GPC6: variants seen among roughly 807,000 people sequenced by gnomAD.
GPC6 encodes the protein glypican-6.
In GPC6, 14 loss-of-function variants were observed where a neutral mutation model predicts 55.2. The ratio of observed to expected loss-of-function variants is 0.25; its 90% CI spans 0.17 to 0.40. GPC6 has a LOEUF of 0.40. Among genes scored for constraint, GPC6 ranks in the 10% least tolerant of loss-of-function variants. The pLI, the probability that GPC6 is intolerant of heterozygous loss-of-function variation, is 1.00. For missense variants in GPC6, 641 were observed against 708.5 expected (o/e 0.90, Z 1.08); for synonymous variants, 278 against 259.6 (o/e 1.07, Z -0.68).
chr13:94,404,736 A>G lies in GPC6; in HGVS notation c.*1519A>G, dbSNP rs2139236282. The G allele has an allele frequency of 6.6e-6, 1 of 152,316 alleles. No homozygotes were observed. Among genetic ancestry groups the G allele is most frequent in the South Asian group, 2.1e-4 (1 of 4,832 alleles). 9.4% of individuals were successfully genotyped at this position (152,316 alleles called of 1,614,324 possible). A position where few individuals can be genotyped will look rare whatever the true frequency, so the allele number is the denominator to read the frequency against. ...ATGAAAAACCATTGCTTTCATGTAA[A>G]ACACCTTCGGCCTAGGATTCCTGCC... On this transcript the variant is annotated 3_prime_UTR_variant, in exon 9 of 9. Coordinates refer to ENST00000377047, the MANE Select transcript of GPC6 (RefSeq NM_005708.5).
At position 93,348,107 on chromosome 13, in the gene GPC6, C is replaced by A. The variant is rs372511567; in HGVS notation, c.160+120491C>A. ...AATATACCATAGTTTGGAAAACACT[C>A]TCTTGTGAAGGATACAAAAAAGGAC... On this transcript the variant is annotated intron_variant, in intron 1 of 8. Transcript: ENST00000377047. 5.3e-5 allele frequency among the ~76,000 whole-genome samples: 8 copies of A among 152,286 alleles called. 1 individual carries two copies. The East Asian group carries it at 1.4e-3, about 26-fold the overall frequency.
At chr13:94,355,027 CTTTT>C (rs5805858) in intron 6 of GPC6, among the ~76,000 whole-genome samples, 1 of 145,738 alleles carries the variant, frequency 6.9e-6, no homozygotes, top group Admixed American at 6.8e-5. Flanking sequence ...AGTGGCTCTT[CTTTT>C]TTTTTTTTTG....
Position 93,912,001 on chromosome 13 carries a change from A to G in GPC6, c.711+81456A>G, listed in dbSNP as rs147964669. 6.2e-3 allele frequency among the ~76,000 whole-genome samples: 939 copies of G among 152,296 alleles called. 14 individuals carry two copies. Among genetic ancestry groups the G allele is most frequent in the African/African-American group, 0.021 (886 of 41,558 alleles). Reference sequence around the variant, plus strand: ...TGGGAGATACTGCAGGAAGAGAAGCATCATCCAGATGACAGAGACTAGAAC... The same window carrying G: ...TGGGAGATACTGCAGGAAGAGAAGCGTCATCCAGATGACAGAGACTAGAAC... On this transcript the variant is annotated intron_variant, in intron 3 of 8. Transcript: ENST00000377047.
At chr13:93,750,399 G>A (rs1187162989) in intron 2 of GPC6, among the ~76,000 whole-genome samples, 7 of 151,950 alleles carry the variant, frequency 4.6e-5, no homozygotes, top group Non-Finnish European at 1.0e-4. Flanking sequence ...AAATAATGGG[G>A]AATGGCATAT....
intron 2 of GPC6, among the ~76,000 whole-genome samples, chr13:93,636,165 A>C (rs1290610132): frequency 6.6e-6 from 1 of 152,218 alleles, no homozygotes; most frequent in Admixed American, 6.5e-5. Context: ...TAAATGCTGG[A>C]GTTTGTTTAT....
intron 2 of GPC6, among the ~76,000 whole-genome samples, chr13:93,623,529 G>A (rs1277505763): frequency 7.1e-6 from 1 of 141,620 alleles, no homozygotes; most frequent in African/African-American, 2.6e-5. Context: ...TGCATTCTCA[G>A]CTCACTGCAA....
At chr13:93,915,442 C>T (rs1877237937) in intron 3 of GPC6, among the ~76,000 whole-genome samples, 1 of 152,218 alleles carries the variant, frequency 6.6e-6, no homozygotes, top group Non-Finnish European at 1.5e-5. Context: ...GCCAGCCCCC[C>T]TGTGCCATTT....
chr13:93,340,313 C>G (rs923053921), intron 1 of GPC6, among the ~76,000 whole-genome samples: 8 of 152,032 alleles, frequency 5.3e-5, no homozygotes, highest in African/African-American at 1.9e-4. Flanking sequence ...GGATTATAGG[C>G]GTGAGCCACC....
At chr13:93,692,164 T>G (rs537328144) in intron 2 of GPC6, among the ~76,000 whole-genome samples, 1 of 152,218 alleles carries the variant, frequency 6.6e-6, no homozygotes, top group East Asian at 1.9e-4. Flanking sequence ...TGCTTCACTG[T>G]GTTGCCTTTT....
intron 2 of GPC6, among the ~76,000 whole-genome samples, chr13:93,689,317 A>G (rs1228053632): frequency 6.6e-6 from 1 of 152,106 alleles, no homozygotes; most frequent in Non-Finnish European, 1.5e-5. Context: ...TACTTCTCAG[A>G]TATGTTTTTT....
intron 2 of GPC6, among the ~76,000 whole-genome samples, chr13:93,816,432 G>C (rs1445236108): frequency 6.6e-6 from 1 of 151,698 alleles, no homozygotes; most frequent in African/African-American, 2.4e-5. Context: ...ACTATATTTA[G>C]AGTGAAGAGA....
chr13:93,225,779 A>G (rs561011059), upstream of GPC6, among the ~76,000 whole-genome samples: 1 of 152,352 alleles, frequency 6.6e-6, no homozygotes, highest in East Asian at 1.9e-4. Context: ...AAACATCTTC[A>G]TGTGTAGCTT....
chr13:93,846,511 T>C (rs867923856), intron 3 of GPC6, among the ~76,000 whole-genome samples: 5 of 152,266 alleles, frequency 3.3e-5, no homozygotes, highest in South Asian at 2.1e-4. Flanking sequence ...GTGAGCCACA[T>C]ATATAATTTG....
At chr13:94,247,672 G>T (rs1324474262) in intron 4 of GPC6, among the ~76,000 whole-genome samples, 4 of 152,010 alleles carry the variant, frequency 2.6e-5, no homozygotes, top group Admixed American at 2.6e-4. Context: ...CATATGTTAA[G>T]CCAGCCTTGC....
intron 1 of GPC6, among the ~76,000 whole-genome samples, chr13:93,342,987 A>G (rs1226118448): frequency 6.6e-6 from 1 of 152,212 alleles, no homozygotes; most frequent in African/African-American, 2.4e-5. Flanking sequence ...TCCCAAATGT[A>G]GACACAAATT....
chr13:93,981,256 A>G (rs1880792546), intron 3 of GPC6, among the ~76,000 whole-genome samples: 1 of 152,114 alleles, frequency 6.6e-6, no homozygotes, highest in Non-Finnish European at 1.5e-5. Context: ...TTCTTATCTG[A>G]TGAGCCCATT....
chr13:94,399,353 T>C (rs1025585306), intron 8 of GPC6, among the ~76,000 whole-genome samples: 6 of 152,208 alleles, frequency 3.9e-5, no homozygotes, highest in African/African-American at 1.4e-4. Flanking sequence ...CATCAAAAAT[T>C]ATTTGGAAGA....
intron 2 of GPC6, among the ~76,000 whole-genome samples, chr13:93,799,564 A>G (rs2138934950): frequency 6.6e-6 from 1 of 152,316 alleles, no homozygotes; most frequent in Admixed American, 6.5e-5. Flanking sequence ...GAAGATATTG[A>G]CAGATTGTAG....
intron 4 of GPC6, among the ~76,000 whole-genome samples, chr13:94,252,704 T>C (rs1891392879): frequency 6.6e-6 from 1 of 152,048 alleles, no homozygotes; most frequent in African/African-American, 2.4e-5. Context: ...TGATGGAATT[T>C]CAAGAAATTT....
Sources: allele counts gnomAD v4.1 joint callset (sites outside exome capture counted in the v4.1 genomes callset), GRCh38; gene constraint gnomAD v4.1.1; transcripts MANE v1.5; gene names NCBI Gene and HGNC (gene_info 2026-07-23, HGNC 2026-07-21).